MME: variants seen among roughly 807,000 people sequenced by gnomAD.
The protein encoded by MME is neprilysin.
In MME, 98 loss-of-function variants were observed where a neutral mutation model predicts 113.2. The observed-to-expected ratio is 0.87, with a 90% confidence interval of 0.74 to 1.02. The LOEUF (loss-of-function observed/expected upper bound fraction) is 1.02. Among genes scored for constraint, MME ranks in the 50% least tolerant of loss-of-function variants. MME has a pLI of 0.00. For synonymous variants in MME, 292 were observed against 300.6 expected (o/e 0.97, Z 0.30); for missense variants, 836 against 896.0 (o/e 0.93, Z 0.86).
chr3:155,173,866 C>G (rs1301730545), intron 22 of MME, among the ~76,000 whole-genome samples: 1 of 152,000 alleles, frequency 6.6e-6, no homozygotes, highest in Non-Finnish European at 1.5e-5. Context: ...GAGTTCCAAC[C>G]ATGGCTTCAC....
At chr3:155,058,237 C>T (rs1213899824) in intron 1 of MME, among the ~76,000 whole-genome samples, 1 of 152,078 alleles carries the variant, frequency 6.6e-6, no homozygotes, top group Non-Finnish European at 1.5e-5. Flanking sequence ...TAGTAGAATT[C>T]GATCAGTTCA....
At chr3:155,068,057 AAACT>A (rs1448087691) in intron 1 of MME, among the ~76,000 whole-genome samples, 1 of 152,248 alleles carries the variant, frequency 6.6e-6, no homozygotes, top group Admixed American at 6.5e-5. Flanking sequence ...ATTGATAAAC[AAACT>A]AAGGGATATC....
Position 155,116,920 on chromosome 3 carries a change from G to A in MME, c.588G>A (p.Gly196=), listed in dbSNP as rs1190392023. Residue 196 remains glycine, a synonymous_variant, in exon 7 of 23, where the codon GGG becomes GGA. Transcript: ENST00000360490. ...KAIAQLNSKY[G]KKVLINLFVG... ...TTGCACAACTGAATTCTAAATATGG[G>A]AAAAAAGTCCTTATTAATTTGTTTG... is the stretch of plus-strand genomic sequence containing the variant. 6.2e-7 allele frequency: 1 copy of A among 1,612,288 alleles called. No individual in the cohort carries two copies. The highest frequency in any genetic ancestry group is 8.5e-7 in the Non-Finnish European group (1 of 1,178,884).
intron 1 of MME, among the ~76,000 whole-genome samples, chr3:155,049,635 CTATCTAT>C (rs1367805180): frequency 1.3e-5 from 1 of 74,926 alleles, no homozygotes; most frequent in Non-Finnish European, 3.7e-5. Context: ...GTATATCTAT[CTATCTAT>C]CTATCTATCT....
At chr3:155,063,295 TATATAAAG>T (rs1714233913) in intron 1 of MME, among the ~76,000 whole-genome samples, 1 of 114,258 alleles carries the variant, frequency 8.8e-6, no homozygotes, top group South Asian at 2.4e-4. Context: ...ATATACATAT[TATATAAAG>T]ATATAATATA....
Position 155,180,525 on chromosome 3 carries a change from A to C in MME, c.*66A>C, listed in dbSNP as rs1210699330. 1 of 1,287,902 alleles carries C rather than the reference A, an allele frequency of 7.8e-7. No homozygotes were observed. The highest frequency in any genetic ancestry group is 1.1e-6 in the Non-Finnish European group (1 of 883,832). The allele number at this position is 1,287,902 out of a possible 1,614,324, so 79.8% of individuals were successfully genotyped here. On this transcript the variant is annotated 3_prime_UTR_variant, in exon 23 of 23. Coordinates refer to ENST00000360490, the MANE Select transcript of MME (RefSeq NM_007289.4). ...ACACCACAGAAATGGGGAATTCTCT[A>C]ATCGAAAGAAAATGGGCCCTAGGGG...
At chr3:155,133,631 T>C (rs1472276623) in intron 8 of MME, among the ~76,000 whole-genome samples, 2 of 142,646 alleles carry the variant, frequency 1.4e-5, no homozygotes, top group African/African-American at 5.2e-5. Flanking sequence ...ACCATATATA[T>C]GTATATATAC....
At chr3:155,062,525 G>A (rs1338279505) in intron 1 of MME, among the ~76,000 whole-genome samples, 2 of 151,902 alleles carry the variant, frequency 1.3e-5, no homozygotes, top group African/African-American at 4.8e-5. Context: ...ACTAAACTTA[G>A]AATTATTTCA....
chr3:155,180,289 C>T, intron 22 of MME, 71 bp from the exon 23 acceptor site: 1 of 1,088,224 alleles, frequency 9.2e-7, no homozygotes, highest in Non-Finnish European at 1.4e-6. Flanking sequence ...GAGGGAAATG[C>T]TTCAGGGCTC....
At chr3:155,071,964 A>T (rs557867400) in intron 1 of MME, among the ~76,000 whole-genome samples, 2 of 151,980 alleles carry the variant, frequency 1.3e-5, no homozygotes, top group South Asian at 4.2e-4. Flanking sequence ...GATAGAGACC[A>T]TCCTGGCTAA....
chr3:155,114,867 A>G lies in MME; in HGVS notation c.197-127A>G, dbSNP rs1718467069. Reference sequence around the variant, plus strand: ...TCCTCATCCCCCTGAATTGACTTATATAAAAAAGAAAACGGAGCATCCGAC... The same window carrying G: ...TCCTCATCCCCCTGAATTGACTTATGTAAAAAAGAAAACGGAGCATCCGAC... On this transcript the variant is annotated intron_variant, in intron 3 of 22. Coordinates refer to ENST00000360490, the MANE Select transcript of MME (RefSeq NM_007289.4). 1.1e-5 allele frequency: 10 copies of G among 892,240 alleles called. No homozygotes were observed. In the South Asian group the frequency reaches 1.4e-4, roughly 12 times the overall value. 55.3% of individuals were successfully genotyped at this position (892,240 alleles called of 1,614,324 possible).
At chr3:155,084,691 A>T (rs1344419697) in intron 2 of MME, among the ~76,000 whole-genome samples, 1 of 152,210 alleles carries the variant, frequency 6.6e-6, no homozygotes, top group Non-Finnish European at 1.5e-5. Flanking sequence ...CAGGAATTTA[A>T]CAAATTTAAT....
chr3:155,041,975 A>C (rs908502172), intron 1 of MME, among the ~76,000 whole-genome samples: 1 of 152,200 alleles, frequency 6.6e-6, no homozygotes, highest in Non-Finnish European at 1.5e-5. Flanking sequence ...TTATTGAATC[A>C]CAAAGAAACT....
rs540518444 is a variant in MME, at chr3:155,029,188, G to A, written c.-11+4864G>A. Among the ~76,000 whole-genome samples, 12 of 152,144 alleles carry A rather than the reference G, an allele frequency of 7.9e-5. 2 individuals carry two copies. In the South Asian group the frequency reaches 1.7e-3, roughly 21 times the overall value. On this transcript the variant is annotated intron_variant, in intron 1 of 22. Coordinates refer to the MME transcript ENST00000492661. ...ATTTCTTGTTAATACTACACAAAAA[G>A]GAGGAAACCAAATTTTACTTTTGTA...
intron 1 of MME, among the ~76,000 whole-genome samples, chr3:155,056,284 C>T (rs1222800878): frequency 1.3e-5 from 2 of 150,972 alleles, no homozygotes; most frequent in East Asian, 2.0e-4. Context: ...CCCATTAACT[C>T]GTCATTTAGC....
chr3:155,167,306 A>T (rs982747995), intron 18 of MME, among the ~76,000 whole-genome samples: 1 of 152,118 alleles, frequency 6.6e-6, no homozygotes, highest in African/African-American at 2.4e-5. Context: ...ACTAGGTCTT[A>T]GTTTCCTGGT....
Position 155,143,675 on chromosome 3 carries a change from A to C in MME, c.1317+104A>C, listed in dbSNP as rs1224647169. Reference sequence around the variant, plus strand: ...TCCATCATTTGGCTAAAATTTTATTAATTTAGGCAGAGAACCTCTGAATCA... The same window carrying C: ...TCCATCATTTGGCTAAAATTTTATTCATTTAGGCAGAGAACCTCTGAATCA... On this transcript the variant is annotated intron_variant, in intron 13 of 22. Transcript: ENST00000360490. 3 of 1,369,688 alleles carry C rather than the reference A, an allele frequency of 2.2e-6. No homozygotes were observed. The African/African-American group carries it at 4.3e-5, about 20-fold the overall frequency. The allele number at this position is 1,369,688 out of a possible 1,614,324, so 84.8% of individuals were successfully genotyped here. A position where few individuals can be genotyped will look rare whatever the true frequency, so the allele number is the denominator to read the frequency against.
At chr3:155,060,856 A>T (rs950818627) in intron 1 of MME, among the ~76,000 whole-genome samples, 19 of 150,714 alleles carry the variant, frequency 1.3e-4, no homozygotes, top group African/African-American at 4.2e-4. Context: ...AGAGAGAGAG[A>T]GAGTGAGAGA....
chr3:155,101,191 G>A (rs1717180993), intron 3 of MME, among the ~76,000 whole-genome samples: 1 of 152,140 alleles, frequency 6.6e-6, no homozygotes, highest in South Asian at 2.1e-4. Flanking sequence ...AGATGCTGGT[G>A]TTATGCTTCC....
Sources: gnomAD v4.1 joint callset for allele counts (sites outside exome capture counted in the v4.1 genomes callset) on GRCh38, gnomAD v4.1.1 for gene constraint, MANE v1.5 for transcripts, NCBI Gene and HGNC (gene_info 2026-07-23, HGNC 2026-07-21) for gene names.